ZSCAN18: variants seen among roughly 807,000 people sequenced by gnomAD.
The protein encoded by ZSCAN18 is zinc finger and SCAN domain containing 18.
Under a neutral mutation model 31.1 loss-of-function variants are expected in ZSCAN18, and 16 were observed. That is an observed-to-expected ratio of 0.51 (90% CI 0.35 to 0.78). The LOEUF is 0.78. Among genes scored for constraint, ZSCAN18 ranks in the 30% least tolerant of loss-of-function variants. The pLI, the probability that ZSCAN18 is intolerant of heterozygous loss-of-function variation, is 0.01. For missense variants in ZSCAN18, 731 were observed against 697.4 expected (o/e 1.05, Z -0.54); for synonymous variants, 375 against 320.7 (o/e 1.17, Z -1.81).
chr19:58,106,025 T>TAGATAGTA (rs1014613160), intron 1 of ZSCAN18, among the ~76,000 whole-genome samples: 2 of 152,112 alleles, frequency 1.3e-5, no homozygotes, highest in Non-Finnish European at 2.9e-5. Context: ...ATAGCTGCCA[T>TAGATAGTA]AGATAGTAAT....
chr19:58,102,487 A>G (rs2074603323), upstream of ZSCAN18, among the ~76,000 whole-genome samples: 1 of 146,948 alleles, frequency 6.8e-6, no homozygotes. Flanking sequence ...CAAACAAACA[A>G]ACAAACCATA....
At chr19:58,086,336 T>C (rs1448171980) in intron 5 of ZSCAN18, 70 bp from the exon 6 acceptor site, 1 of 1,452,124 alleles carries the variant, frequency 6.9e-7, no homozygotes, top group African/African-American at 1.4e-5. Context: ...TTGTGTGTCG[T>C]GGGCCAGCCA....
chr19:58,092,616 G>T, intron 1 of ZSCAN18: 1 of 695,352 alleles, frequency 1.4e-6, no homozygotes, highest in Non-Finnish European at 1.8e-6. Context: ...TTTGCAGAGA[G>T]TCAACTATCA....
At chr19:58,088,645 A>C in intron 3 of ZSCAN18, 43 bp downstream of exon 3, 1 of 1,591,914 alleles carries the variant, frequency 6.3e-7, no homozygotes, top group Non-Finnish European at 8.5e-7. Context: ...CCAACACCCC[A>C]CCTAAGGCCC....
chr19:58,113,803 A>C (rs550425598), intron 1 of ZSCAN18, among the ~76,000 whole-genome samples: 1 of 152,166 alleles, frequency 6.6e-6, no homozygotes, highest in East Asian at 1.9e-4. Context: ...ACATGGTGAA[A>C]CCCCATCTCT....
chr19:58,090,357 T>C lies in ZSCAN18; in HGVS notation c.-90A>G. On this transcript the variant is annotated 5_prime_UTR_variant, in exon 2 of 7. Coordinates refer to ENST00000601144, the MANE Select transcript of ZSCAN18 (RefSeq NM_001145543.2). This position sits in a 1 kb window ranked among gnomAD's most constrained non-coding sequence, Gnocchi z 4.7. ...GTGCCAGGGATGACCAGATGCCCAG[T>C]GGGCTCAGGTGGTGCCAGAACCCAC... 6.3e-7 allele frequency: 1 copy of C among 1,593,442 alleles called. No homozygotes were observed. Among genetic ancestry groups the C allele is most frequent in the Non-Finnish European group, 8.6e-7 (1 of 1,167,650 alleles).
At chr19:58,117,717 A>AG (rs1264761512) in intron 1 of ZSCAN18, among the ~76,000 whole-genome samples, 7 of 71,570 alleles carry the variant, frequency 9.8e-5, no homozygotes, top group African/African-American at 2.8e-4. Flanking sequence ...CTGTGCCCGC[A>AG]GGAAAAAAAA....
chr19:58,114,551 T>C (rs904976331), intron 1 of ZSCAN18, among the ~76,000 whole-genome samples: 4 of 152,148 alleles, frequency 2.6e-5, no homozygotes, highest in African/African-American at 9.6e-5. Context: ...CAAATGTACA[T>C]TATATAAATA....
At chr19:58,092,584 A>G (rs1186345061) in intron 1 of ZSCAN18, 17 of 527,548 alleles carry the variant, frequency 3.2e-5, no homozygotes, top group Non-Finnish European at 3.6e-5. Context: ...TCAAAAAAAA[A>G]AAAAAAAAAA....
At chr19:58,086,796 TAAGACATC>T in intron 5 of ZSCAN18, 102 bp downstream of exon 5, 1 of 759,960 alleles carries the variant, frequency 1.3e-6, no homozygotes, top group South Asian at 1.7e-5. Context: ...TCAAATCCTG[TAAGACATC>T]ACAGTGTCCC....
chr19:58,115,940 C>T (rs1346587163), intron 1 of ZSCAN18, among the ~76,000 whole-genome samples: 1 of 151,762 alleles, frequency 6.6e-6, no homozygotes, highest in Admixed American at 6.6e-5. Context: ...CGCTGAAAAC[C>T]TGGAAACTTC....
Position 58,109,913 on chromosome 19 carries a change from ATAT to A in ZSCAN18, c.130+8351_130+8353del, listed in dbSNP as rs549184957. Among the ~76,000 whole-genome samples the A allele has an allele frequency of 4.1e-3, 620 of 152,270 alleles. 4 individuals are homozygous for A. The highest frequency in any genetic ancestry group is 0.014 in the African/African-American group (591 of 41,550). On this transcript the variant is annotated intron_variant, in intron 1 of 1. Coordinates refer to the ZSCAN18 transcript ENST00000595721. ...GGATAGTGAATAAATATCACTTTAGATATTATGATTTTTAAAAAGGGACAGGTT... is the reference window on the plus strand; with the variant it reads ...GGATAGTGAATAAATATCACTTTAGATATGATTTTTAAAAAGGGACAGGTT...
rs2074233337 is a variant in ZSCAN18, at chr19:58,084,940, C to A, written c.1278G>T (p.Ser426=). The change falls in exon 7 of 7, where the codon TCG becomes TCT. Residue 426 remains serine, a synonymous_variant. Coordinates refer to ENST00000601144, the MANE Select transcript of ZSCAN18 (RefSeq NM_001145543.2). This position sits in a 1 kb window ranked among gnomAD's most constrained non-coding sequence, Gnocchi z 4.5. ...GECGEAFAWL[S]HLMEHHSSHG... ...GGCTGCTGTGGTGCTCCATCAGGTGCGAGAGCCACGCGAAGGCCTCCCCGC... is the reference window on the plus strand; with the variant it reads ...GGCTGCTGTGGTGCTCCATCAGGTGAGAGAGCCACGCGAAGGCCTCCCCGC... The A allele has an allele frequency of 1.3e-6, 2 of 1,596,950 alleles. No homozygotes were observed. The highest frequency in any genetic ancestry group is 8.5e-7 in the Non-Finnish European group (1 of 1,174,160).
chr19:58,096,311 A>C (rs190959569), intron 1 of ZSCAN18, among the ~76,000 whole-genome samples: 106 of 152,288 alleles, frequency 7.0e-4, no homozygotes, highest in Non-Finnish European at 1.3e-3. Context: ...TGGCTTGGTC[A>C]CTGGGCAAAC....
intron 1 of ZSCAN18, among the ~76,000 whole-genome samples, chr19:58,116,018 T>C (rs536402632): frequency 2.6e-5 from 4 of 151,676 alleles, no homozygotes; most frequent in Middle Eastern, 3.4e-3. Context: ...TAGAATAGTA[T>C]AGAGCAGTGA....
intron 1 of ZSCAN18, among the ~76,000 whole-genome samples, chr19:58,093,772 CTTT>C (rs925647441): frequency 2.0e-5 from 3 of 149,038 alleles, no homozygotes; most frequent in Admixed American, 6.7e-5. Context: ...AATGCAATCA[CTTT>C]TTTTTTTGGA....
rs773452346 is a variant in ZSCAN18 at position 58,084,961 on chromosome 19, C to T, written c.1257G>A (p.Gly419=). Residue 419 remains glycine (G), a synonymous_variant, in exon 7 of 7, where the codon GGG becomes GGA. Transcript: ENST00000601144. This position sits in a 1 kb window ranked among gnomAD's most constrained non-coding sequence, Gnocchi z 4.5. Reference sequence around the variant, plus strand: ...GGTGCGAGAGCCACGCGAAGGCCTCCCCGCACTCGCCGCAGGCATAGGGCT... The same window carrying T: ...GGTGCGAGAGCCACGCGAAGGCCTCTCCGCACTCGCCGCAGGCATAGGGCT... ...RGKPYACGEC[G]EAFAWLSHLM... 5.8e-5 allele frequency: 93 copies of T among 1,599,104 alleles called. No homozygotes were observed. In the East Asian group the frequency reaches 2.1e-3, roughly 35 times the overall value.
chr19:58,086,086 G>A, intron 6 of ZSCAN18, 88 bp downstream of exon 6: 1 of 1,103,932 alleles, frequency 9.1e-7, no homozygotes, highest in Non-Finnish European at 1.4e-6. Flanking sequence ...GTCTTTGCTG[G>A]GGCTGATGGC....
intron 1 of ZSCAN18, chr19:58,107,677 CT>C: frequency 1.0e-6 from 1 of 987,158 alleles, no homozygotes; most frequent in African/African-American, 1.7e-5. Context: ...ACAACATAAA[CT>C]CTTCAACATG....
Sources: gnomAD v4.1 joint callset for allele counts (sites outside exome capture counted in the v4.1 genomes callset) on GRCh38, gnomAD v4.1.1 for gene constraint, Gnocchi (gnomAD v3.1) non-coding constraint, MANE v1.5 for transcripts, NCBI Gene and HGNC (gene_info 2026-07-23, HGNC 2026-07-21) for gene names.